The following CWC27 variants were observed in gnomAD, a reference collection of about 807,000 sequenced individuals.
CWC27 encodes CWC27 spliceosome associated cyclophilin.
In CWC27, 47 loss-of-function variants were observed where a neutral mutation model predicts 63.6. The observed-to-expected ratio is 0.74, with a 90% CI of 0.58 to 0.94. CWC27 has a LOEUF of 0.94. Ranked by LOEUF, CWC27 falls within the 40% of genes least tolerant of loss-of-function variation. The probability of loss-of-function intolerance (pLI) is 0.00; values close to 1 mark genes in which losing one functional copy is unlikely to be tolerated. For synonymous variants in CWC27, 175 were observed against 179.8 expected (o/e 0.97, Z 0.22); for missense variants, 495 against 554.3 (o/e 0.89, Z 1.07).
intron 10 of CWC27, among the ~76,000 whole-genome samples, chr5:64,828,712 C>A (rs2112259743): frequency 6.6e-6 from 1 of 152,106 alleles, no homozygotes; most frequent in East Asian, 1.9e-4. Flanking sequence ...GTGACTTGTT[C>A]AAGATTATTT....
At chr5:64,885,739 T>TGTGTGTGTGTGTGTG (rs1427858737) in intron 11 of CWC27, among the ~76,000 whole-genome samples, 193 bp downstream of exon 11, 38 of 24,322 alleles carry the variant, frequency 1.6e-3, no homozygotes, top group East Asian at 8.6e-3. Flanking sequence ...GTGTGTGTGT[T>TGTGTGTGTGTGTGTG]TTTAATACTT....
At chr5:64,881,632 TAAGTA>T (rs1295791047) in intron 10 of CWC27, among the ~76,000 whole-genome samples, 1 of 152,142 alleles carries the variant, frequency 6.6e-6, no homozygotes, top group Non-Finnish European at 1.5e-5. Context: ...TCAGAGAAGT[TAAGTA>T]ACTATTCTCA....
chr5:64,915,079 GTT>G (rs1451243063), intron 11 of CWC27, among the ~76,000 whole-genome samples: 1 of 152,136 alleles, frequency 6.6e-6, no homozygotes, highest in Non-Finnish European at 1.5e-5. Flanking sequence ...TTGGGTTTGG[GTT>G]TTGTGTTTGT....
intron 10 of CWC27, among the ~76,000 whole-genome samples, chr5:64,840,767 G>T (rs1745812734): frequency 6.6e-6 from 1 of 152,054 alleles, no homozygotes; most frequent in South Asian, 2.1e-4. Flanking sequence ...ATGAACAGTG[G>T]ATTAGAAGGC....
At chr5:64,942,885 A>G (rs886563945) in intron 11 of CWC27, among the ~76,000 whole-genome samples, 1 of 152,214 alleles carries the variant, frequency 6.6e-6, no homozygotes, top group African/African-American at 2.4e-5. Flanking sequence ...AAAATTGTAA[A>G]TACTTTATCT....
intron 7 of CWC27, among the ~76,000 whole-genome samples, chr5:64,789,981 C>T (rs1744017589): frequency 6.6e-6 from 1 of 152,054 alleles, no homozygotes; most frequent in African/African-American, 2.4e-5. Context: ...GCCATATGTT[C>T]CCTTATTAGT....
chr5:64,992,677 G>A (rs1182336627), intron 13 of CWC27, among the ~76,000 whole-genome samples: 3 of 148,788 alleles, frequency 2.0e-5, no homozygotes, highest in East Asian at 3.9e-4. Context: ...GACTACAGGC[G>A]CCCGCCACCA....
intron 11 of CWC27, among the ~76,000 whole-genome samples, chr5:64,901,141 A>G (rs1747497097): frequency 6.6e-6 from 1 of 152,196 alleles, no homozygotes; most frequent in Non-Finnish European, 1.5e-5. Context: ...ATAATCCTGT[A>G]TAGCATATTA....
chr5:65,013,414 A>T (rs1276277395), intron 13 of CWC27, among the ~76,000 whole-genome samples: 2 of 152,228 alleles, frequency 1.3e-5, no homozygotes, highest in Non-Finnish European at 2.9e-5. Context: ...CCTTATTCCC[A>T]ACACAAATCA....
intron 7 of CWC27, among the ~76,000 whole-genome samples, chr5:64,797,586 T>C (rs2112199158): frequency 6.6e-6 from 1 of 152,320 alleles, no homozygotes; most frequent in African/African-American, 2.4e-5. Flanking sequence ...ACAAGGTTTT[T>C]CTTTTTCCTT....
chr5:64,774,391 A>G (rs1012373994), intron 1 of CWC27, among the ~76,000 whole-genome samples: 1 of 152,164 alleles, frequency 6.6e-6, no homozygotes, highest in African/African-American at 2.4e-5. Flanking sequence ...AAGTGAACTC[A>G]CTTTAGATAT....
At chr5:64,826,085 A>ATCTATCTG (rs1745350433) in intron 10 of CWC27, among the ~76,000 whole-genome samples, 3 of 70,526 alleles carry the variant, frequency 4.3e-5, no homozygotes, top group East Asian at 1.4e-3. Flanking sequence ...AAATCTATCT[A>ATCTATCTG]TCTATCTATC....
In CWC27 at chr5:64,771,604, T is replaced by G. The variant is rs1169110777; in HGVS notation, c.42+2416T>G. Among the ~76,000 whole-genome samples, 4 of 152,354 alleles carry G rather than the reference T, an allele frequency of 2.6e-5. No individual in the cohort carries two copies. The East Asian group carries it at 7.7e-4, about 29-fold the overall frequency. On this transcript the variant is annotated intron_variant, in intron 1 of 13. Transcript: ENST00000381070. Reference sequence around the variant, plus strand: ...TTCTTCACTTAGTGTAATGTTGCTTTCAAATGATAGGGGTCTGTCTTCCTG... The same window carrying G: ...TTCTTCACTTAGTGTAATGTTGCTTGCAAATGATAGGGGTCTGTCTTCCTG...
chr5:64,782,447 C>CAAAT lies in CWC27; in HGVS notation c.252+447_252+450dup, dbSNP rs67366377. 8.1e-3 allele frequency among the ~76,000 whole-genome samples: 1,134 copies of CAAAT among 139,814 alleles called. 12 individuals are homozygous for CAAAT. Among genetic ancestry groups the CAAAT allele is most frequent in the African/African-American group, 0.02 (760 of 38,142 alleles). 91.7% of individuals were successfully genotyped at this position (139,814 alleles called of 152,430 possible). On this transcript the variant is annotated intron_variant, in intron 3 of 13. Coordinates refer to ENST00000381070, the MANE Select transcript of CWC27 (RefSeq NM_005869.4). Reference sequence around the variant, plus strand: ...TGGGCGACAGAGCGAGACTCCGTCTCAAATAAATAAATAAATAAATAAATA... The same window carrying CAAAT: ...TGGGCGACAGAGCGAGACTCCGTCTCAAATAAATAAATAAATAAATAAATAAATA...
intron 10 of CWC27, among the ~76,000 whole-genome samples, chr5:64,848,856 A>G (rs574463094): frequency 1.3e-5 from 2 of 152,310 alleles, no homozygotes; most frequent in South Asian, 4.1e-4. Flanking sequence ...AAAACCATGT[A>G]AGAGAAGCCT....
At position 65,018,689 on chromosome 5, in the gene CWC27, T is replaced by C. The variant is rs1190101322; in HGVS notation, c.*368T>C. ...ATAAGAAGTTCCTACAGAAAGAATA[T>C]TTGTGGGAAACCTCCCTTTCACTAA... On this transcript the variant is annotated 3_prime_UTR_variant, in exon 14 of 14. Coordinates refer to ENST00000381070, the MANE Select transcript of CWC27 (RefSeq NM_005869.4). The C allele has an allele frequency of 6.5e-6, 1 of 152,674 alleles. No homozygotes were observed. Among genetic ancestry groups the C allele is most frequent in the Non-Finnish European group, 1.5e-5 (1 of 68,418 alleles). The allele number at this position is 152,674 out of a possible 1,614,324, so 9.5% of individuals were successfully genotyped here. A position where few individuals can be genotyped will look rare whatever the true frequency, so the allele number is the denominator to read the frequency against.
At chr5:64,784,576 G>A (rs533290118) in intron 4 of CWC27, among the ~76,000 whole-genome samples, 3 of 152,086 alleles carry the variant, frequency 2.0e-5, no homozygotes, top group South Asian at 2.1e-4. Flanking sequence ...TAGGCATATC[G>A]GACATCACTA....
At chr5:64,999,115 T>A (rs887181118) in intron 13 of CWC27, among the ~76,000 whole-genome samples, 14 of 152,130 alleles carry the variant, frequency 9.2e-5, no homozygotes, top group African/African-American at 3.1e-4. Context: ...ATTTTGTCTG[T>A]CTGTGTCTCT....
At chr5:64,802,500 C>G (rs1283377312) in intron 9 of CWC27, among the ~76,000 whole-genome samples, 5 of 152,082 alleles carry the variant, frequency 3.3e-5, no homozygotes. Flanking sequence ...AGGAAGATCA[C>G]TATTGGCGAT....
Sources: gnomAD v4.1 joint callset for allele counts (sites outside exome capture counted in the v4.1 genomes callset) on GRCh38, gnomAD v4.1.1 for gene constraint, MANE v1.5 for transcripts, NCBI Gene and HGNC (gene_info 2026-07-23, HGNC 2026-07-21) for gene names.